The following ABCA5 variants were observed in gnomAD, a reference collection of about 807,000 sequenced individuals.
ABCA5 encodes cholesterol transporter ABCA5.
A neutral mutation model predicts 206.0 loss-of-function variants in ABCA5; 163 were observed. The observed-to-expected ratio is 0.79, with a 90% CI of 0.70 to 0.90. The LOEUF is 0.90. Ranked by LOEUF, ABCA5 falls within the 40% of genes least tolerant of loss-of-function variation. The pLI is 0.00. For missense variants in ABCA5, 1,859 were observed against 1,912.9 expected (o/e 0.97, Z 0.53); for synonymous variants, 609 against 613.8 (o/e 0.99, Z 0.11).
chr17:69,298,253 A>AAGGAAGGT (rs2075608010), intron 9 of ABCA5, among the ~76,000 whole-genome samples: 1 of 127,488 alleles, frequency 7.8e-6, no homozygotes, highest in Non-Finnish European at 1.7e-5. Flanking sequence ...GGAAGGAAGG[A>AAGGAAGGT]AGGAAGGAAG....
At chr17:69,287,380 T>A (rs144634891) in intron 15 of ABCA5, among the ~76,000 whole-genome samples, 2 of 152,214 alleles carry the variant, frequency 1.3e-5, no homozygotes. Flanking sequence ...GTCATGAGTA[T>A]GACTATGTGC....
intron 1 of ABCA5, chr17:69,318,756 GT>G (rs2075838811): frequency 1.1e-5 from 7 of 657,824 alleles, no homozygotes; most frequent in South Asian, 1.0e-4. Flanking sequence ...ACACTCCCGA[GT>G]TGAAAAAATT....
chr17:69,247,444 C>A lies in ABCA5; in HGVS notation c.*93G>T, dbSNP rs2074963368. The A allele has an allele frequency of 1.3e-6, 1 of 787,170 alleles. No individual in the cohort carries two copies. Among genetic ancestry groups the A allele is most frequent in the East Asian group, 2.7e-5 (1 of 37,384 alleles). The allele number at this position is 787,170 out of a possible 1,614,324, so 48.8% of individuals were successfully genotyped here. Reference sequence around the variant, plus strand: ...AAATTTCAAGTGCGTTCTTGGTTCTCCAGTTACCATTCCAATAAAAAACTT... The same window carrying A: ...AAATTTCAAGTGCGTTCTTGGTTCTACAGTTACCATTCCAATAAAAAACTT... On this transcript the variant is annotated 3_prime_UTR_variant, in exon 39 of 39. Transcript: ENST00000392676.
chr17:69,289,407 CAT>C, intron 13 of ABCA5, 111 bp from the exon 14 acceptor site: 1 of 872,872 alleles, frequency 1.1e-6, no homozygotes, highest in East Asian at 3.4e-5. Flanking sequence ...ATTTAAGTAA[CAT>C]AGGTTTTTAA....
rs866739790 is a variant in ABCA5, at chr17:69,275,982, G to T, written c.2594+1659C>A. 2.6e-5 allele frequency among the ~76,000 whole-genome samples: 4 copies of T among 152,090 alleles called. No homozygotes were observed. The South Asian group carries it at 8.3e-4, about 32-fold the overall frequency. On this transcript the variant is annotated intron_variant, in intron 19 of 38. Transcript: ENST00000392676. ...ATGCTGGCACCCTGATCTCAGAACT[G>T]CAGCCATCAGAATTGTGAGAAAATA...
At position 69,251,886 on chromosome 17, in the gene ABCA5, C is replaced by CAAAAAAAAAAA; in HGVS notation, c.4416-21_4416-20insTTTTTTTTTTT. 1 of 1,602,042 alleles carries CAAAAAAAAAAA rather than the reference C, an allele frequency of 6.2e-7. No homozygotes were observed. Among genetic ancestry groups the CAAAAAAAAAAA allele is most frequent in the African/African-American group, 1.4e-5 (1 of 73,954 alleles). On this transcript the variant is annotated intron_variant, in intron 34 of 38. Coordinates refer to ENST00000392676, the MANE Select transcript of ABCA5 (RefSeq NM_172232.4). ...GCTCGCCTATAAAACATAAATAAAA[C>CAAAAAAAAAAA]AAAAAGAGAGGAACACATCTGTTTG...
At chr17:69,289,116 C>G in intron 14 of ABCA5, 61 bp downstream of exon 14, 1 of 1,518,136 alleles carries the variant, frequency 6.6e-7, no homozygotes, top group South Asian at 1.3e-5. Context: ...CTTTCTACAA[C>G]CTGCTTTTTA....
chr17:69,276,489 T>G lies in ABCA5; in HGVS notation c.2594+1152A>C, dbSNP rs564552605. On this transcript the variant is annotated intron_variant, in intron 19 of 38. Coordinates refer to ENST00000392676, the MANE Select transcript of ABCA5 (RefSeq NM_172232.4). The stretch of plus-strand genomic sequence containing the variant: ...CTATGCAGCCATAAAAAAGGATGAG[T>G]TCATGTCCTTTGAAGGTACATGGAT... Among the ~76,000 whole-genome samples the G allele has an allele frequency of 1.2e-4, 18 of 152,138 alleles. No homozygotes were observed. In the East Asian group the frequency reaches 2.9e-3, roughly 24 times the overall value.
At chr17:69,303,853 T>TACAC (rs372931982) in intron 7 of ABCA5, among the ~76,000 whole-genome samples, 6 of 31,180 alleles carry the variant, frequency 1.9e-4, no homozygotes, top group Non-Finnish European at 1.8e-4. Context: ...TACATATATA[T>TACAC]ATGTATATAT....
intron 1 of ABCA5, among the ~76,000 whole-genome samples, chr17:69,319,642 T>C (rs1007267103): frequency 1.3e-5 from 2 of 152,218 alleles, no homozygotes; most frequent in Admixed American, 1.3e-4. Context: ...AATGGCAACA[T>C]TTAAGAAAGA....
intron 20 of ABCA5, among the ~76,000 whole-genome samples, chr17:69,273,441 T>TATTTA (rs2075295104): frequency 2.2e-5 from 1 of 45,106 alleles, no homozygotes; most frequent in Non-Finnish European, 5.5e-5. Flanking sequence ...GTATAAATTT[T>TATTTA]TTTAACTATT....
intron 9 of ABCA5, among the ~76,000 whole-genome samples, chr17:69,299,908 A>T (rs927900111): frequency 2.4e-4 from 36 of 152,294 alleles, no homozygotes; most frequent in South Asian, 6.2e-4. Flanking sequence ...GTATGTAACT[A>T]GATGAGAGAT....
rs373892252 is a variant in ABCA5 at position 69,283,996 on chromosome 17, G to A, written c.2349C>T (p.Asp783=). Residue 783 remains aspartate (D), a synonymous_variant, in exon 18 of 39, where the codon GAC becomes GAT. Coordinates refer to ENST00000392676, the MANE Select transcript of ABCA5 (RefSeq NM_172232.4). ...SYGVSMTTLE[D]VFLKLEVEAE... ...CTTCAACTTCTAGCTTTAAAAATAC[G>A]TCTTCCAAAGTCGTCATGGAAACAC... The A allele has an allele frequency of 6.8e-5, 110 of 1,606,434 alleles. 1 individual carries two copies. The East Asian group carries it at 1.9e-3, about 28-fold the overall frequency.
chr17:69,302,212 G>GA (rs2075659707), intron 8 of ABCA5, among the ~76,000 whole-genome samples: 1 of 151,964 alleles, frequency 6.6e-6, no homozygotes, highest in South Asian at 2.1e-4. Context: ...CTCCTGTAAG[G>GA]ACTAATAAAA....
chr17:69,277,790 A>C lies in ABCA5; in HGVS notation c.2445T>G (p.Ser815=), dbSNP rs2075350457. 6.3e-7 allele frequency: 1 copy of C among 1,584,502 alleles called. No homozygotes were observed. Among genetic ancestry groups the C allele is most frequent in the Non-Finnish European group, 8.6e-7 (1 of 1,168,280 alleles). The change falls in exon 19 of 39, where the codon TCT becomes TCG. Residue 815 remains serine (S), a synonymous_variant. Transcript: ENST00000392676. ...GTAAGCTCTGTTCCATTTCATCAAA[A>C]GATTTTGAATCCATTTCTTCCTCCA... The part of the protein sequence containing the change: ...QPLEEEMDSK[S]FDEMEQSLLI...
intron 4 of ABCA5, among the ~76,000 whole-genome samples, chr17:69,308,933 T>C (rs959436009): frequency 6.6e-6 from 1 of 152,000 alleles, no homozygotes; most frequent in Non-Finnish European, 1.5e-5. Flanking sequence ...TTTTAAAGAT[T>C]TGTACATACC....
intron 34 of ABCA5, among the ~76,000 whole-genome samples, chr17:69,252,215 C>A (rs1383203811): frequency 6.6e-6 from 1 of 151,914 alleles, no homozygotes; most frequent in East Asian, 1.9e-4. Flanking sequence ...GGGGTTTCAC[C>A]GTGTTAGCCA....
chr17:69,287,733 G>C lies in ABCA5; in HGVS notation c.1921C>G (p.Pro641Ala), dbSNP rs768073133. Residue 641 changes from proline to alanine, a missense_variant, in exon 15 of 39, where the codon CCA becomes GCA. Transcript: ENST00000392676. ...GNPKILLLDE[P>A]TAGMDPCSRH... The stretch of plus-strand genomic sequence containing the variant: ...GAACAGGGGTCCATTCCAGCTGTTG[G>C]TTCATCTAGCAGCAGTATCTGTGTG... 9.3e-6 allele frequency: 15 copies of C among 1,613,056 alleles called. No individual in the cohort carries two copies. In the African/African-American group the frequency reaches 1.9e-4, roughly 20 times the overall value.
At chr17:69,304,396 T>C (rs2075694321) in intron 7 of ABCA5, 2 of 226,694 alleles carry the variant, frequency 8.8e-6, no homozygotes, top group Non-Finnish European at 1.7e-5. Context: ...GTCTTAATTA[T>C]ATACATCATT....
Sources: gnomAD v4.1 joint callset for allele counts (sites outside exome capture counted in the v4.1 genomes callset) on GRCh38, gnomAD v4.1.1 for gene constraint, MANE v1.5 for transcripts, NCBI Gene and HGNC (gene_info 2026-07-23, HGNC 2026-07-21) for gene names.